The following FRY variants were observed in gnomAD, a reference collection of about 807,000 sequenced individuals.
FRY encodes protein furry homolog.
In FRY, 128 loss-of-function variants were observed where a neutral mutation model predicts 348.4. The ratio of observed to expected loss-of-function variants is 0.37; its 90% CI spans 0.32 to 0.43. The LOEUF (loss-of-function observed/expected upper bound fraction) is 0.43, where lower values mean the gene tolerates loss of function less well. Ranked by LOEUF, FRY falls within the 20% of genes least tolerant of loss-of-function variation. The probability of loss-of-function intolerance (pLI) is 1.00; values close to 1 mark genes in which losing one functional copy is unlikely to be tolerated. For synonymous variants in FRY, 1,370 were observed against 1,374.7 expected, an observed-to-expected ratio of 1.00 and a Z score of 0.08; for missense variants, 2,736 against 3,695.2, an observed-to-expected ratio of 0.74 and a Z score of 6.73.
intron 29 of FRY, among the ~76,000 whole-genome samples, 158 bp downstream of exon 29, chr13:32,194,455 T>G (rs1883554928): frequency 6.6e-6 from 1 of 152,240 alleles, no homozygotes; most frequent in South Asian, 2.1e-4. Flanking sequence ...CTACTCCCTG[T>G]AAGGTTGCAG....
At chr13:32,144,343 G>A (rs896004921) in intron 11 of FRY, among the ~76,000 whole-genome samples, 20 of 146,060 alleles carry the variant, frequency 1.4e-4, no homozygotes, top group Non-Finnish European at 2.8e-4. Context: ...CTTGGAAACC[G>A]CTAAAAATTA....
intron 49 of FRY, 69 bp downstream of exon 49, chr13:32,249,756 A>G: frequency 2.2e-6 from 3 of 1,395,118 alleles, no homozygotes; most frequent in South Asian, 2.4e-5. Flanking sequence ...TGGCTGGGTC[A>G]TAAGGGATTC....
At chr13:32,060,796 A>G (rs1873898642) in intron 1 of FRY, 1 of 272,538 alleles carries the variant, frequency 3.7e-6, no homozygotes, top group Non-Finnish European at 7.4e-6. Flanking sequence ...TTGTGGATAA[A>G]TATAGACATA....
intron 21 of FRY, 108 bp downstream of exon 21, chr13:32,178,544 C>A: frequency 8.2e-7 from 1 of 1,226,280 alleles, no homozygotes; most frequent in Non-Finnish European, 1.2e-6. Flanking sequence ...TTCTGAACTT[C>A]CTACTAGAGA....
intron 17 of FRY, among the ~76,000 whole-genome samples, chr13:32,170,432 T>G (rs1034951322): frequency 2.0e-5 from 3 of 152,230 alleles, no homozygotes; most frequent in Admixed American, 2.0e-4. Context: ...CGTAGTTATA[T>G]AAGATGTTAA....
chr13:32,217,427 T>C (rs1885059536), intron 35 of FRY, among the ~76,000 whole-genome samples: 1 of 152,200 alleles, frequency 6.6e-6, no homozygotes, highest in South Asian at 2.1e-4. Flanking sequence ...AGAAGCATAA[T>C]AACTAATACC....
chr13:32,043,829 C>A (rs1001328983), intron 1 of FRY, among the ~76,000 whole-genome samples: 9 of 152,156 alleles, frequency 5.9e-5, no homozygotes, highest in African/African-American at 1.9e-4. Context: ...GAAATGGAGT[C>A]TTTCTATTGC....
chr13:32,147,230 C>T (rs1880513471), intron 11 of FRY, 52 bp from the exon 12 acceptor site: 1 of 1,110,648 alleles, frequency 9.0e-7, no homozygotes, highest in South Asian at 1.3e-5. Context: ...TCTCTAGAAC[C>T]TCAGACCTCA....
At chr13:32,236,762 C>T (rs755677342) in intron 43 of FRY, among the ~76,000 whole-genome samples, 1 of 151,652 alleles carries the variant, frequency 6.6e-6, no homozygotes, top group Non-Finnish European at 1.5e-5. Flanking sequence ...TCCGATTGGG[C>T]CTTGTTTTAT....
intron 50 of FRY, among the ~76,000 whole-genome samples, chr13:32,252,409 A>G (rs1887128934): frequency 6.6e-6 from 1 of 152,196 alleles, no homozygotes; most frequent in Non-Finnish European, 1.5e-5. Context: ...ATAAACTTCC[A>G]CTGATGTTAC....
chr13:32,151,809 CAAG>C (rs1278444008), intron 14 of FRY, among the ~76,000 whole-genome samples: 1 of 151,816 alleles, frequency 6.6e-6, no homozygotes, highest in Non-Finnish European at 1.5e-5. Flanking sequence ...GTGCTAGCGG[CAAG>C]AAGAAGAAAT....
At chr13:32,168,664 C>A (rs974565379) in intron 17 of FRY, among the ~76,000 whole-genome samples, 4 of 152,304 alleles carry the variant, frequency 2.6e-5, no homozygotes, top group Admixed American at 6.5e-5. Flanking sequence ...TTGTATAAGA[C>A]GTCCCTGAAA....
chr13:32,262,855 C>T (rs1887734384), intron 53 of FRY, among the ~76,000 whole-genome samples: 2 of 147,504 alleles, frequency 1.4e-5, no homozygotes, highest in South Asian at 2.2e-4. Context: ...TGGGTGTATG[C>T]ACATATTTGG....
intron 1 of FRY, among the ~76,000 whole-genome samples, chr13:32,073,600 C>T (rs1257317733): frequency 1.3e-5 from 2 of 151,924 alleles, no homozygotes; most frequent in East Asian, 1.9e-4. Flanking sequence ...TGTTACCCCA[C>T]CTCAGTACAA....
chr13:32,096,919 C>G (rs143194851), intron 2 of FRY, among the ~76,000 whole-genome samples: 1 of 148,236 alleles, frequency 6.7e-6, no homozygotes, highest in East Asian at 2.0e-4. Flanking sequence ...AGCTAATGGA[C>G]TTGACTTTTA....
intron 17 of FRY, among the ~76,000 whole-genome samples, chr13:32,164,769 A>G (rs894731397): frequency 1.3e-5 from 2 of 152,102 alleles, no homozygotes; most frequent in Non-Finnish European, 2.9e-5. Context: ...GATTCTCCAG[A>G]TAGAAAGGGC....
intron 26 of FRY, 142 bp downstream of exon 26, chr13:32,185,290 C>CAT (rs2138264418): frequency 1.4e-6 from 1 of 727,110 alleles, no homozygotes; most frequent in East Asian, 2.7e-5. Flanking sequence ...GATACTAGGA[C>CAT]ATATATATGA....
chr13:32,194,373 T>A, intron 29 of FRY, 76 bp downstream of exon 29: 1 of 1,364,226 alleles, frequency 7.3e-7, no homozygotes, highest in South Asian at 1.2e-5. Flanking sequence ...GACGGAGAGC[T>A]GTTTTGCAAC....
At chr13:32,200,254 G>A (rs1566127339) in intron 29 of FRY, among the ~76,000 whole-genome samples, 1 of 152,120 alleles carries the variant, frequency 6.6e-6, no homozygotes, top group Non-Finnish European at 1.5e-5. Flanking sequence ...TCAAACCAAA[G>A]CAGTGATTGT....
Sources: allele counts gnomAD v4.1 joint callset (sites outside exome capture counted in the v4.1 genomes callset), GRCh38; gene constraint gnomAD v4.1.1; transcripts MANE v1.5; gene names NCBI Gene and HGNC (gene_info 2026-07-23, HGNC 2026-07-21).